The following COL5A3 variants were observed in gnomAD, a reference collection of about 807,000 sequenced individuals.
The protein encoded by COL5A3 is collagen alpha-3(V) chain.
COL5A3 carries 172 observed loss-of-function variants against 250.0 expected under a neutral mutation model. The observed-to-expected ratio is 0.69, with a 90% CI of 0.61 to 0.78. The LOEUF is 0.78. Ranked by LOEUF, COL5A3 falls within the 30% of genes least tolerant of loss-of-function variation. The pLI is 0.00. For synonymous variants in COL5A3, 937 were observed against 900.4 expected, an observed-to-expected ratio of 1.04 and a Z score of -0.73; for missense variants, 2,340 against 2,334.4, an observed-to-expected ratio of 1.00 and a Z score of -0.05.
intron 8 of COL5A3, among the ~76,000 whole-genome samples, chr19:9,999,109 C>G (rs541547427): frequency 2.0e-5 from 3 of 150,480 alleles, no homozygotes; most frequent in Admixed American, 1.3e-4. Context: ...ATTGCCCAGG[C>G]AGGCTTTTCC....
At chr19:9,999,479 T>TTC (rs1342072695) in intron 8 of COL5A3, among the ~76,000 whole-genome samples, 3 of 147,318 alleles carry the variant, frequency 2.0e-5, no homozygotes, top group Non-Finnish European at 3.0e-5. Context: ...CTTTTTTTTT[T>TTC]TTTTTTGAGA....
At chr19:9,999,034 T>C (rs28635798) in intron 8 of COL5A3, among the ~76,000 whole-genome samples, 5 of 101,870 alleles carry the variant, frequency 4.9e-5, no homozygotes, top group South Asian at 2.9e-4. Context: ...TTCTCTTTCT[T>C]TTTCTTTCTC....
rs755824016 is a variant in COL5A3, at chr19:9,968,098, G to T, written c.4315-19C>A. ...GGGGACCCTAGGAAAAGGACATCGG[G>T]TCAGTATTGGTGGGGTACACCCTAT... is the stretch of plus-strand genomic sequence containing the variant. On this transcript the variant is annotated intron_variant, in intron 59 of 66. Coordinates refer to ENST00000264828, the MANE Select transcript of COL5A3 (RefSeq NM_015719.4). This position sits in a 1 kb window ranked among gnomAD's most constrained non-coding sequence, Gnocchi z 4.1. 6.3e-7 allele frequency: 1 copy of T among 1,585,274 alleles called. No homozygotes were observed. Among genetic ancestry groups the T allele is most frequent in the African/African-American group, 1.4e-5 (1 of 72,970 alleles).
chr19:9,988,319 C>G (rs149315187), intron 27 of COL5A3, among the ~76,000 whole-genome samples: 4 of 152,174 alleles, frequency 2.6e-5, no homozygotes, highest in Non-Finnish European at 5.9e-5. Flanking sequence ...AGACTCTGTG[C>G]CTGCTACAGT....
In COL5A3 at chr19:10,010,365, C is replaced by A; in HGVS notation, c.21G>T (p.Leu7=). 6.9e-7 allele frequency: 1 copy of A among 1,458,494 alleles called. No individual in the cohort carries two copies. The allele number at this position is 1,458,494 out of a possible 1,614,324, so 90.3% of individuals were successfully genotyped here. A position where few individuals can be genotyped will look rare whatever the true frequency, so the allele number is the denominator to read the frequency against. ...GGCAGAGACCGGCCCGCGGCTGGCC[C>A]AGGTCCCGGCGGTTCCCCATCCCGG... is the stretch of plus-strand genomic sequence containing the variant. MGNRRD[L]GQPRAGLCLL... Residue 7 remains leucine (L), a synonymous_variant, in exon 1 of 67, where the codon CTG becomes CTT. Transcript: ENST00000264828.
Position 9,991,781 on chromosome 19 carries a change from T to C in COL5A3, c.1947+7A>G, listed in dbSNP as rs2087194863. On this transcript the variant is annotated splice_region_variant and intron_variant, in intron 23 of 66. Transcript: ENST00000264828. ...CATGCCCCATTATTGGGAAAGACAG[T>C]TCAAACCTGGGACCCATGGTTTCCC... is the stretch of plus-strand genomic sequence containing the variant. 6.2e-7 allele frequency: 1 copy of C among 1,603,712 alleles called. No homozygotes were observed. Among genetic ancestry groups the C allele is most frequent in the Admixed American group, 1.7e-5 (1 of 58,776 alleles).
chr19:9,993,256 C>G, intron 19 of COL5A3, 124 bp downstream of exon 19: 1 of 1,196,044 alleles, frequency 8.4e-7, no homozygotes, highest in Non-Finnish European at 1.2e-6. Flanking sequence ...CTCACCTCCT[C>G]ACCCCACAAT....
chr19:9,983,994 G>A (rs1451578254), intron 31 of COL5A3, among the ~76,000 whole-genome samples: 1 of 151,056 alleles, frequency 6.6e-6, no homozygotes, highest in Non-Finnish European at 1.5e-5. Context: ...AACTCTAGGA[G>A]GATTCTGCAC....
At position 9,992,893 on chromosome 19, in the gene COL5A3, A is replaced by C. The variant is rs1599218536; in HGVS notation, c.1795-13T>G. 6.2e-7 allele frequency: 1 copy of C among 1,613,734 alleles called. No homozygotes were observed. Among genetic ancestry groups the C allele is most frequent in the Admixed American group, 1.7e-5 (1 of 60,006 alleles). On this transcript the variant is annotated splice_polypyrimidine_tract_variant and intron_variant, in intron 20 of 66. Transcript: ENST00000264828. ...GTCCTCGTGGACCCTGCAAGGGAGC[A>C]GGCGAATTATTTCCACATCACCTCT...
At chr19:9,962,252 A>C (rs2086684740) in intron 65 of COL5A3, among the ~76,000 whole-genome samples, 2 of 152,042 alleles carry the variant, frequency 1.3e-5, no homozygotes, top group South Asian at 4.1e-4. Context: ...GATTACAGGC[A>C]CACATCACCA....
intron 1 of COL5A3, 131 bp from the exon 2 acceptor site, chr19:10,006,362 G>T: frequency 1.1e-6 from 1 of 914,940 alleles, no homozygotes; most frequent in Non-Finnish European, 1.6e-6. Context: ...CATGTTTGTG[G>T]CTCAGGAAGA....
chr19:9,970,245 TTTGGG>T lies in COL5A3; in HGVS notation c.3937-328_3937-324del, dbSNP rs1220175540. ...TGGGGGCTGTGGGGTGAGTGGGGTCTTTGGGGTGAGGTGGGGTGTGTGGATGAGTG... is the reference window on the plus strand; with the variant it reads ...TGGGGGCTGTGGGGTGAGTGGGGTCTGTGAGGTGGGGTGTGTGGATGAGTG... On this transcript the variant is annotated intron_variant, in intron 54 of 66. Coordinates refer to ENST00000264828, the MANE Select transcript of COL5A3 (RefSeq NM_015719.4). Among the ~76,000 whole-genome samples, 7 of 54,050 alleles carry T rather than the reference TTTGGG, an allele frequency of 1.3e-4. 1 individual carries two copies. Among genetic ancestry groups the T allele is most frequent in the East Asian group, 1.6e-3 (2 of 1,254 alleles). The allele number at this position is 54,050 out of a possible 152,430, so 35.5% of individuals were successfully genotyped here.
intron 41 of COL5A3, 145 bp from the exon 42 acceptor site, chr19:9,977,846 T>G: frequency 3.8e-6 from 2 of 526,544 alleles, no homozygotes; most frequent in Non-Finnish European, 6.2e-6. Context: ...AGGGTGCCTG[T>G]GAGCACCTGA....
At chr19:9,961,842 G>C (rs2086678759) in intron 65 of COL5A3, among the ~76,000 whole-genome samples, 2 of 152,092 alleles carry the variant, frequency 1.3e-5, no homozygotes, top group Non-Finnish European at 2.9e-5. Flanking sequence ...ACAGGCGTGA[G>C]CCACTGTGCC....
At chr19:9,983,777 A>G (rs889375293) in intron 31 of COL5A3, among the ~76,000 whole-genome samples, 40 of 151,424 alleles carry the variant, frequency 2.6e-4, no homozygotes, top group African/African-American at 8.7e-4. Context: ...AGGAAGGAAG[A>G]AAGGAGGAAG....
At chr19:9,978,686 T>C in intron 40 of COL5A3, 59 bp from the exon 41 acceptor site, 1 of 1,254,118 alleles carries the variant, frequency 8.0e-7, no homozygotes, top group Admixed American at 2.5e-5. Flanking sequence ...AGGTCCTGTC[T>C]TCCTCTGTGG....
At position 9,972,225 on chromosome 19, in the gene COL5A3, A is replaced by G. The variant is rs551051456; in HGVS notation, c.3774+694T>C. ...TATTCGTGCACATTTATTCATTCAC[A>G]TATTCATATATCCACTGATTTATTC... On this transcript the variant is annotated intron_variant, in intron 51 of 66. Coordinates refer to ENST00000264828, the MANE Select transcript of COL5A3 (RefSeq NM_015719.4). 5.9e-5 allele frequency among the ~76,000 whole-genome samples: 9 copies of G among 152,346 alleles called. No individual in the cohort carries two copies. In the South Asian group the frequency reaches 1.4e-3, roughly 25 times the overall value.
chr19:10,003,216 C>T (rs553683401), intron 6 of COL5A3, among the ~76,000 whole-genome samples: 1 of 152,288 alleles, frequency 6.6e-6, no homozygotes, highest in East Asian at 1.9e-4. Context: ...AGCCAATGAT[C>T]CCCCCTTAAA....
intron 24 of COL5A3, among the ~76,000 whole-genome samples, chr19:9,990,831 A>G (rs1156667917): frequency 1.3e-5 from 2 of 152,150 alleles, no homozygotes; most frequent in Non-Finnish European, 2.9e-5. Flanking sequence ...CCAAAGTGCT[A>G]GGATTACAGG....
Sources: allele counts gnomAD v4.1 joint callset (sites outside exome capture counted in the v4.1 genomes callset), GRCh38; gene constraint gnomAD v4.1.1; non-coding constraint Gnocchi (gnomAD v3.1); transcripts MANE v1.5; gene names NCBI Gene and HGNC (gene_info 2026-07-23, HGNC 2026-07-21).